Variants in SURF1 observed in about 807,000 individuals in gnomAD.
SURF1 encodes surfeit locus protein 1.
In SURF1, 45 loss-of-function variants were observed where a neutral mutation model predicts 34.1. The ratio of observed to expected loss-of-function variants is 1.32; its 90% CI spans 1.04 to 1.69. SURF1 has a LOEUF of 1.69. Ranked by LOEUF, SURF1 falls within the 40% of genes most tolerant of loss-of-function variation. The pLI is 0.00. For synonymous variants in SURF1, 188 were observed against 147.5 expected (o/e 1.27, Z -1.99); for missense variants, 456 against 384.6 (o/e 1.19, Z -1.55).
Position 133,352,272 on chromosome 9 carries a change from G to C in SURF1, c.752-130C>G, listed in dbSNP as rs2130005951. On this transcript the variant is annotated intron_variant, in intron 7 of 8. Transcript: ENST00000371974. ...GCCTTTACGTTGGGTGACCATCCCC[G>C]CCCTTGTCCGCTCAGTACTTGCCTA... The C allele has an allele frequency of 3.7e-6, 5 of 1,358,944 alleles. No homozygotes were observed. In the African/African-American group the frequency reaches 7.2e-5, roughly 20 times the overall value. 84.2% of individuals were successfully genotyped at this position (1,358,944 alleles called of 1,614,324 possible).
chr9:133,356,059 G>A (rs1053600662), intron 2 of SURF1: 2 of 644,838 alleles, frequency 3.1e-6, no homozygotes, highest in African/African-American at 3.8e-5. Context: ...TACCTCTCGC[G>A]TTGTGAGGAC....
intron 2 of SURF1, among the ~76,000 whole-genome samples, chr9:133,355,747 A>C (rs1350890371): frequency 6.6e-6 from 1 of 152,214 alleles, no homozygotes; most frequent in African/African-American, 2.4e-5. Context: ...TGTACACAGA[A>C]AGTGCCTTTA....
rs2130025621 is a variant in SURF1, at chr9:133,356,343, T to C, written c.55-23A>G. The C allele has an allele frequency of 2.1e-6, 3 of 1,462,416 alleles. No individual in the cohort carries two copies. In the Admixed American group the frequency reaches 6.5e-5, roughly 32 times the overall value. 90.6% of individuals were successfully genotyped at this position (1,462,416 alleles called of 1,614,324 possible). ...GGCCTGCGGACACGGACGGGCGGGC[T>C]GAGCTCCGGGACCCCTCCCCGCGCC... On this transcript the variant is annotated intron_variant, in intron 1 of 8. Transcript: ENST00000371974.
chr9:133,352,979 C>CT (rs1836473127), intron 5 of SURF1, among the ~76,000 whole-genome samples: 1 of 152,218 alleles, frequency 6.6e-6, no homozygotes, highest in African/African-American at 2.4e-5. Context: ...GCCACCATCA[C>CT]TACCTTTTTA....
At position 133,353,750 on chromosome 9, in the gene SURF1, C is replaced by T. The variant is rs1396233239; in HGVS notation, c.514G>A (p.Gly172Arg). 7 of 1,613,686 alleles carry T rather than the reference C, an allele frequency of 4.3e-6. No individual in the cohort carries two copies. In the African/African-American group the frequency reaches 9.3e-5, roughly 22 times the overall value. Residue 172 changes from glycine (G) to arginine (R), a missense_variant and splice_region_variant, in exon 5 of 9, where the codon GGA becomes AGA. Transcript: ENST00000371974. ...CCAGCTCCCACATGTCCTACTCACC[C>T]CAGGTCGGTGCAGTGGAAGGGAGTG... is the stretch of plus-strand genomic sequence containing the variant. The part of the protein sequence containing the change: ...VVTPFHCTDL[G>R]VTILVNRGFV...
At position 133,354,718 on chromosome 9, in the gene SURF1, C is replaced by T; in HGVS notation, c.264G>A (p.Leu88=). ...TGGACTCCAACTCTGCAATCAGGTT[C>T]AGCTTCCACTTCCGACGCTGGACCT... ...TWQVQRRKWK[L]NLIAELESRV... Residue 88 remains leucine, a synonymous_variant, in exon 4 of 9, where the codon CTG becomes CTA. Coordinates refer to ENST00000371974, the MANE Select transcript of SURF1 (RefSeq NM_003172.4). 2 of 1,613,634 alleles carry T rather than the reference C, an allele frequency of 1.2e-6. No homozygotes were observed. Among genetic ancestry groups the T allele is most frequent in the Non-Finnish European group, 1.7e-6 (2 of 1,180,026 alleles).
At chr9:133,352,270 C>T in intron 7 of SURF1, 128 bp from the exon 8 acceptor site, 2 of 1,358,986 alleles carry the variant, frequency 1.5e-6, no homozygotes, top group Non-Finnish European at 2.0e-6. Context: ...GTGACCATCC[C>T]CGCCCTTGTC....
intron 5 of SURF1, 50 bp downstream of exon 5, chr9:133,353,699 T>C (rs2130013886): frequency 1.9e-6 from 3 of 1,604,900 alleles, no homozygotes; most frequent in South Asian, 2.2e-5. Context: ...TAAATTAGTA[T>C]ACCCTGACTG....
intron 5 of SURF1, 80 bp downstream of exon 5, chr9:133,353,669 T>C (rs967228387): frequency 2.1e-5 from 33 of 1,543,936 alleles, no homozygotes; most frequent in Non-Finnish European, 2.9e-5. Context: ...AGGTTGGGGA[T>C]TGTGAAGGAA....
At chr9:133,352,298 G>A in intron 7 of SURF1, 148 bp downstream of exon 7, 1 of 1,430,040 alleles carries the variant, frequency 7.0e-7, no homozygotes, top group Admixed American at 1.9e-5. Context: ...TACTTGCCTA[G>A]GTTCTTTGCT....
At position 133,351,876 on chromosome 9, in the gene SURF1, T is replaced by A; in HGVS notation, c.*37A>T. 3 of 1,603,296 alleles carry A rather than the reference T, an allele frequency of 1.9e-6. No individual in the cohort carries two copies. In the South Asian group the frequency reaches 3.4e-5, roughly 18 times the overall value. On this transcript the variant is annotated 3_prime_UTR_variant, in exon 9 of 9. Transcript: ENST00000371974. ...CAGCATAAAGGCAGTCTTGAAATAC[T>A]GCATTATCCAGGGACAGGGCTTCAG...
In SURF1 at chr9:133,356,445, C is replaced by T. The variant is rs1836591418; in HGVS notation, c.9G>A (p.Ala3=). ...GCAGCCCCAGCTGCAACGCAGCCAC[C>T]GCCGCCATCGCACCCGGCCCCGCGG... The part of the protein sequence containing the change: MA[A]VAALQLGLRA... Residue 3 remains alanine (A), a synonymous_variant, in exon 1 of 9, where the codon GCG becomes GCA. Transcript: ENST00000371974. 1.2e-5 allele frequency: 17 copies of T among 1,418,690 alleles called. No individual in the cohort carries two copies. Among genetic ancestry groups the T allele is most frequent in the Admixed American group, 2.8e-5 (1 of 36,200 alleles). 87.9% of individuals were successfully genotyped at this position (1,418,690 alleles called of 1,614,324 possible). A position where few individuals can be genotyped will look rare whatever the true frequency, so the allele number is the denominator to read the frequency against.
At chr9:133,356,211 C>T in intron 2 of SURF1, 58 bp downstream of exon 2, 1 of 1,527,890 alleles carries the variant, frequency 6.5e-7, no homozygotes, top group Non-Finnish European at 8.8e-7. Context: ...AAGTGCAGGG[C>T]AGACAGCAGG....
Position 133,352,465 on chromosome 9 carries a change from G to C in SURF1, c.732C>G (p.Ile244Met). 1 of 1,614,242 alleles carries C rather than the reference G, an allele frequency of 6.2e-7. No individual in the cohort carries two copies. Among genetic ancestry groups the C allele is most frequent in the South Asian group, 1.1e-5 (1 of 91,088 alleles). The part of the protein sequence containing the change: ...AMARITGAEP[I>M]FIDANFQSTV... ...ACGTACGGAAGTTGGCATCAATGAAGATGGGCTCTGCGCCTGTGATTCTGG... is the reference window on the plus strand; with the variant it reads ...ACGTACGGAAGTTGGCATCAATGAACATGGGCTCTGCGCCTGTGATTCTGG... Residue 244 changes from isoleucine (I) to methionine (M), a missense_variant, in exon 7 of 9, where the codon ATC (isoleucine) becomes ATG (methionine). By Grantham distance (10) the Ile-to-Met change is conservative (BLOSUM62 1). Coordinates refer to ENST00000371974, the MANE Select transcript of SURF1 (RefSeq NM_003172.4).
rs2130014107 is a variant in SURF1, at chr9:133,353,735, CAT to C, written c.515+12_515+13del. ...CCTCTGCCAGGACAGCCAGCTCCCACATGTCCTACTCACCCCAGGTCGGTGCA... is the reference window on the plus strand; with the variant it reads ...CCTCTGCCAGGACAGCCAGCTCCCACGTCCTACTCACCCCAGGTCGGTGCA... On this transcript the variant is annotated intron_variant, in intron 5 of 8. Coordinates refer to ENST00000371974, the MANE Select transcript of SURF1 (RefSeq NM_003172.4). 5 of 1,613,562 alleles carry C rather than the reference CAT, an allele frequency of 3.1e-6. No homozygotes were observed. Among genetic ancestry groups the C allele is most frequent in the Admixed American group, 1.7e-5 (1 of 60,002 alleles).
chr9:133,352,550 A>G lies in SURF1; in HGVS notation c.647T>C (p.Phe216Ser). 1 of 1,614,216 alleles carries G rather than the reference A, an allele frequency of 6.2e-7. No homozygotes were observed. Among genetic ancestry groups the G allele is most frequent in the Non-Finnish European group, 8.5e-7 (1 of 1,180,038 alleles). Reference sequence around the variant, plus strand: ...CCTTTCTGGATTGTTCTCAGGGACAAAAGGCTGCCTGGTTTCTGTCAGCCT... The same window carrying G: ...CCTTTCTGGATTGTTCTCAGGGACAGAAGGCTGCCTGGTTTCTGTCAGCCT... ...MVRLTETRQPFVPENNPERNH... is the reference protein window; with the variant it reads ...MVRLTETRQPSVPENNPERNH... Residue 216 changes from phenylalanine to serine, a missense_variant, in exon 7 of 9, where the codon TTT (phenylalanine) becomes TCT (serine). By Grantham distance (155) the Phe-to-Ser change is radical. Coordinates refer to ENST00000371974, the MANE Select transcript of SURF1 (RefSeq NM_003172.4).
intron 4 of SURF1, 47 bp from the exon 5 acceptor site, chr9:133,353,987 C>T (rs2130015885): frequency 9.9e-6 from 16 of 1,611,096 alleles, no homozygotes; most frequent in African/African-American, 9.4e-5. Context: ...GGCTGGAAAA[C>T]GAATCCCCTG....
At chr9:133,352,807 T>G in intron 5 of SURF1, 41 bp from the exon 6 acceptor site, 1 of 1,582,560 alleles carries the variant, frequency 6.3e-7, no homozygotes, top group Non-Finnish European at 8.6e-7. Flanking sequence ...GGAGGGTTTT[T>G]GACTAAAGAC....
chr9:133,356,443 A>G lies in SURF1; in HGVS notation c.11T>C (p.Val4Ala). ...CCGCAGCCCCAGCTGCAACGCAGCC[A>G]CCGCCGCCATCGCACCCGGCCCCGC... MAA[V>A]AALQLGLRAA... The change falls in exon 1 of 9, where the codon GTG (valine) becomes GCG (alanine). Residue 4 changes from valine (V) to alanine (A), a missense_variant. By Grantham distance (64) the Val-to-Ala change is moderately conservative. Transcript: ENST00000371974. 7.1e-7 allele frequency: 1 copy of G among 1,416,934 alleles called. No homozygotes were observed. Among genetic ancestry groups the G allele is most frequent in the Non-Finnish European group, 9.2e-7 (1 of 1,087,332 alleles). The allele number at this position is 1,416,934 out of a possible 1,614,324, so 87.8% of individuals were successfully genotyped here.
Sources: gnomAD v4.1 joint callset for allele counts (sites outside exome capture counted in the v4.1 genomes callset) on GRCh38, gnomAD v4.1.1 for gene constraint, MANE v1.5 for transcripts, NCBI Gene and HGNC (gene_info 2026-07-23, HGNC 2026-07-21) for gene names.